RIOK1: variants seen among roughly 807,000 people sequenced by gnomAD.
RIOK1 encodes the protein serine/threonine-protein kinase RIO1.
A neutral mutation model predicts 73.5 loss-of-function variants in RIOK1; 66 were observed. The observed-to-expected ratio is 0.90, with a 90% CI of 0.74 to 1.10. The LOEUF is 1.10. Ranked by LOEUF, RIOK1 falls within the 50% of genes least tolerant of loss-of-function variation. The pLI is 0.00. For synonymous variants in RIOK1, 224 were observed against 226.8 expected (o/e 0.99, Z 0.11); for missense variants, 658 against 699.8 (o/e 0.94, Z 0.67).
intron 3 of RIOK1, among the ~76,000 whole-genome samples, chr6:7,395,513 CAAAA>C (rs34911861): frequency 1.8e-5 from 2 of 108,158 alleles, no homozygotes; most frequent in African/African-American, 9.0e-5. Context: ...AATTCCATCT[CAAAA>C]AAAAAAAAAA....
intron 3 of RIOK1, among the ~76,000 whole-genome samples, chr6:7,396,158 T>C (rs893335612): frequency 1.3e-5 from 2 of 152,206 alleles, no homozygotes; most frequent in Admixed American, 6.5e-5. Flanking sequence ...GAATGTTAAT[T>C]TGAATCATCA....
chr6:7,416,812 C>A (rs1762015499), intron 16 of RIOK1, among the ~76,000 whole-genome samples: 1 of 151,620 alleles, frequency 6.6e-6, no homozygotes, highest in Non-Finnish European at 1.5e-5. Context: ...AGAGTGAGTC[C>A]CTGTCTCTAA....
At chr6:7,391,681 C>T (rs1399665090) in intron 1 of RIOK1, among the ~76,000 whole-genome samples, 1 of 152,222 alleles carries the variant, frequency 6.6e-6, no homozygotes, top group South Asian at 2.1e-4. Flanking sequence ...TTTCTGGAGA[C>T]GTTTTTGTAT....
rs541292921 is a variant in RIOK1, at chr6:7,404,980, A to C, written c.1055A>C (p.His352Pro). The change falls in exon 11 of 17, where the codon CAT becomes CCT. Residue 352 changes from histidine to proline, a missense_variant. Transcript: ENST00000379834. ...VSQSVEHDHPHALEFLRKDCA... is the reference protein window; with the variant it reads ...VSQSVEHDHPPALEFLRKDCA... ...CAGTCCGTGGAGCACGACCACCCAC[A>C]TGCCTTGGAGTTCTTGAGAAAGGAT... 9.3e-6 allele frequency: 15 copies of C among 1,614,098 alleles called. No homozygotes were observed. Among genetic ancestry groups the C allele is most frequent in the Admixed American group, 1.7e-5 (1 of 60,006 alleles).
intron 6 of RIOK1, among the ~76,000 whole-genome samples, 158 bp downstream of exon 6, chr6:7,401,208 G>A (rs1353332733): frequency 6.6e-6 from 1 of 152,124 alleles, no homozygotes; most frequent in Non-Finnish European, 1.5e-5. Context: ...ATATAACTAC[G>A]CCCTTTTCAC....
intron 6 of RIOK1, among the ~76,000 whole-genome samples, chr6:7,402,046 C>A (rs978313559): frequency 3.3e-5 from 5 of 152,134 alleles, no homozygotes; most frequent in Admixed American, 6.5e-5. Flanking sequence ...AAGTTTGAAA[C>A]CACTTCTCCC....
chr6:7,393,030 T>C, intron 1 of RIOK1, 69 bp from the exon 2 acceptor site: 1 of 1,449,754 alleles, frequency 6.9e-7, no homozygotes, highest in Non-Finnish European at 9.5e-7. Context: ...TCTTACATCA[T>C]AAATATGTGA....
At chr6:7,394,897 A>G in intron 2 of RIOK1, 156 bp from the exon 3 acceptor site, 1 of 1,159,794 alleles carries the variant, frequency 8.6e-7, no homozygotes, top group Non-Finnish European at 1.2e-6. Context: ...CTCTTTAAAA[A>G]ATTTTTTGAG....
At chr6:7,412,370 A>G (rs919391436) in intron 14 of RIOK1, among the ~76,000 whole-genome samples, 4 of 147,792 alleles carry the variant, frequency 2.7e-5, no homozygotes, top group Non-Finnish European at 6.0e-5. Flanking sequence ...CAAAAAAAAA[A>G]AAGGCCCAGT....
intron 5 of RIOK1, among the ~76,000 whole-genome samples, chr6:7,399,276 A>T (rs1761555292): frequency 6.6e-6 from 1 of 152,146 alleles, no homozygotes; most frequent in South Asian, 2.1e-4. Flanking sequence ...AGAAAGTGAT[A>T]AAAAGAGTCA....
rs1761949945 is a variant in RIOK1, at chr6:7,414,316, G to A, written c.1522G>A (p.Asp508Asn). The A allele has an allele frequency of 6.2e-7, 1 of 1,613,870 alleles. No homozygotes were observed. The highest frequency in any genetic ancestry group is 1.3e-5 in the African/African-American group (1 of 75,018). Reference protein sequence around the residue: ...SEDIGSSECSDTDSEEQGDHA... With the variant: ...SEDIGSSECSNTDSEEQGDHA... ...AGATATTGGAAGCTCTGAGTGCTCTGACACAGACTCTGAAGAGCAGGGAGA... is the reference window on the plus strand; with the variant it reads ...AGATATTGGAAGCTCTGAGTGCTCTAACACAGACTCTGAAGAGCAGGGAGA... The change falls in exon 16 of 17, where the codon GAC becomes AAC. Residue 508 changes from aspartate to asparagine, a missense_variant. Asp to Asn is a conservative substitution (Grantham distance 23). Transcript: ENST00000379834.
chr6:7,411,225 G>C, intron 13 of RIOK1, 107 bp from the exon 14 acceptor site: 1 of 1,220,696 alleles, frequency 8.2e-7, no homozygotes, highest in Non-Finnish European at 1.2e-6. Context: ...TCAGTGTTAG[G>C]GATGAATGAA....
At position 7,401,061 on chromosome 6, in the gene RIOK1, C is replaced by A. The variant is rs1351899847; in HGVS notation, c.573+11C>A. 1.3e-6 allele frequency: 2 copies of A among 1,523,768 alleles called. No individual in the cohort carries two copies. The highest frequency in any genetic ancestry group is 9.1e-7 in the Non-Finnish European group (1 of 1,103,198). 94.4% of individuals were successfully genotyped at this position (1,523,768 alleles called of 1,614,324 possible). On this transcript the variant is annotated intron_variant, in intron 6 of 16. Coordinates refer to ENST00000379834, the MANE Select transcript of RIOK1 (RefSeq NM_031480.3). ...AGCACAGGAAAAGAAGTGAGCTCTT[C>A]TTTGGATGATTGGATATTTAATTTT... is the stretch of plus-strand genomic sequence containing the variant.
intron 2 of RIOK1, 125 bp from the exon 3 acceptor site, chr6:7,394,928 C>A: frequency 6.9e-7 from 1 of 1,454,668 alleles, no homozygotes; most frequent in Non-Finnish European, 9.4e-7. Flanking sequence ...TGACTCTTAC[C>A]TTTCCTTAAG....
At chr6:7,412,330 T>C (rs1035824393) in intron 14 of RIOK1, among the ~76,000 whole-genome samples, 1 of 150,690 alleles carries the variant, frequency 6.6e-6, no homozygotes, top group Admixed American at 6.6e-5. Flanking sequence ...CATTGGACTT[T>C]AGCCTAGGCT....
At chr6:7,392,864 T>A in intron 1 of RIOK1, 2 of 953,538 alleles carry the variant, frequency 2.1e-6, no homozygotes, top group Non-Finnish European at 2.5e-6. Flanking sequence ...TTTAACTTGA[T>A]GTGCTTCTTG....
intron 3 of RIOK1, among the ~76,000 whole-genome samples, chr6:7,396,133 C>T (rs186769355): frequency 4.6e-4 from 70 of 152,140 alleles, no homozygotes; most frequent in African/African-American, 1.3e-3. Context: ...GTGACCTGTT[C>T]GATGCCAGGC....
At chr6:7,413,690 T>C (rs370541422) in intron 15 of RIOK1, among the ~76,000 whole-genome samples, 8 of 152,338 alleles carry the variant, frequency 5.3e-5, no homozygotes, top group South Asian at 2.1e-4. Flanking sequence ...TGTTGTACAA[T>C]TGACTTCTAA....
intron 8 of RIOK1, among the ~76,000 whole-genome samples, chr6:7,403,717 A>T (rs1353129285): frequency 2.6e-5 from 4 of 151,692 alleles, no homozygotes; most frequent in African/African-American, 9.7e-5. Context: ...TGGGTATTAC[A>T]GGTTATGGGA....
Sources: gnomAD v4.1 joint callset for allele counts (sites outside exome capture counted in the v4.1 genomes callset) on GRCh38, gnomAD v4.1.1 for gene constraint, MANE v1.5 for transcripts, NCBI Gene and HGNC (gene_info 2026-07-23, HGNC 2026-07-21) for gene names.